Variants in PLCH1 observed in about 807,000 individuals in gnomAD.
PLCH1 encodes 1-phosphatidylinositol 4,5-bisphosphate phosphodiesterase eta-1.
A neutral mutation model predicts 126.7 loss-of-function variants in PLCH1; 60 were observed. The ratio of observed to expected loss-of-function variants is 0.47; its 90% CI spans 0.38 to 0.59. The LOEUF is 0.59. PLCH1 is among the 20% of genes least tolerant of loss of function. PLCH1 has a pLI of 0.00. For missense variants in PLCH1, 1,723 were observed against 2,040.0 expected, an observed-to-expected ratio of 0.84 and a Z score of 2.99; for synonymous variants, 719 against 734.9, an observed-to-expected ratio of 0.98 and a Z score of 0.35.
At chr3:155,709,702 C>T (rs575454878) in intron 1 of PLCH1, among the ~76,000 whole-genome samples, 1 of 152,258 alleles carries the variant, frequency 6.6e-6, no homozygotes, top group African/African-American at 2.4e-5. Context: ...ACTGCAGCCT[C>T]GACCTCCAGG....
intron 8 of PLCH1, among the ~76,000 whole-genome samples, chr3:155,561,664 G>A (rs1727649945): frequency 1.3e-5 from 2 of 152,146 alleles, no homozygotes; most frequent in South Asian, 2.1e-4. Context: ...TGGGATGGCT[G>A]GGTCAAATGG....
intron 17 of PLCH1, among the ~76,000 whole-genome samples, chr3:155,493,357 T>C (rs1716536618): frequency 6.6e-6 from 1 of 152,182 alleles, no homozygotes; most frequent in African/African-American, 2.4e-5. Flanking sequence ...AAAGAAAGTG[T>C]TGTTTGATCT....
rs200225111 is a variant in PLCH1, at chr3:155,567,236, C to A, written c.865+995G>T. On this transcript the variant is annotated intron_variant, in intron 7 of 22. Transcript: ENST00000460012. ...TACAGGCATGCGCCACCATGCCCAGCTAATTTTTGTATTTTTAGTAGAGAT... is the reference window on the plus strand; with the variant it reads ...TACAGGCATGCGCCACCATGCCCAGATAATTTTTGTATTTTTAGTAGAGAT... Among the ~76,000 whole-genome samples the A allele has an allele frequency of 3.6e-4, 55 of 152,160 alleles. 1 individual carries two copies. The East Asian group carries it at 8.7e-3, about 24-fold the overall frequency.
At chr3:155,510,851 G>A (rs1204252992) in intron 12 of PLCH1, among the ~76,000 whole-genome samples, 3 of 91,194 alleles carry the variant, frequency 3.3e-5, no homozygotes, top group South Asian at 4.4e-4. Flanking sequence ...TGCTCTTCTC[G>A]AGGAGTATCT....
At chr3:155,490,320 G>A (rs578197571) in intron 19 of PLCH1, among the ~76,000 whole-genome samples, 3 of 152,038 alleles carry the variant, frequency 2.0e-5, no homozygotes, top group African/African-American at 7.2e-5. Context: ...CCCTCCAATC[G>A]TATGTAAATA....
intron 2 of PLCH1, among the ~76,000 whole-genome samples, chr3:155,698,851 A>G (rs530196392): frequency 1.3e-5 from 2 of 152,232 alleles, no homozygotes; most frequent in South Asian, 4.1e-4. Flanking sequence ...GGTGGCCATC[A>G]ATGGGAGGTA....
intron 1 of PLCH1, among the ~76,000 whole-genome samples, chr3:155,732,877 C>CAAAAAA (rs71155063): frequency 7.5e-5 from 6 of 80,204 alleles, no homozygotes; most frequent in African/African-American, 1.7e-4. Flanking sequence ...GACTGCATCT[C>CAAAAAA]AAAAAAAAAA....
chr3:155,608,611 T>C lies in PLCH1; in HGVS notation c.80-12233A>G, dbSNP rs372685001. The stretch of plus-strand genomic sequence containing the variant: ...CACTGCCAGCTTTCCCCCACTTCTC[T>C]GGAAACCTGTATGCGCAGTGAGGCA... On this transcript the variant is annotated intron_variant, in intron 2 of 22. Transcript: ENST00000460012. 1.4e-4 allele frequency among the ~76,000 whole-genome samples: 21 copies of C among 152,182 alleles called. No individual in the cohort carries two copies. The East Asian group carries it at 2.1e-3, about 15-fold the overall frequency.
chr3:155,679,560 A>G (rs957584299), intron 2 of PLCH1, among the ~76,000 whole-genome samples: 6 of 152,192 alleles, frequency 3.9e-5, no homozygotes, highest in Admixed American at 1.3e-4. Flanking sequence ...AAAATGTTCT[A>G]TACAACCCTC....
At chr3:155,620,675 C>T (rs1736358081) in intron 2 of PLCH1, among the ~76,000 whole-genome samples, 1 of 152,178 alleles carries the variant, frequency 6.6e-6, no homozygotes, top group Non-Finnish European at 1.5e-5. Flanking sequence ...CCCACCGCAG[C>T]TCAGCAAGGC....
intron 2 of PLCH1, among the ~76,000 whole-genome samples, chr3:155,668,246 C>T (rs1390748364): frequency 6.6e-6 from 1 of 152,102 alleles, no homozygotes; most frequent in Admixed American, 6.5e-5. Flanking sequence ...GCCAAGCCTG[C>T]CAATATTTGC....
At chr3:155,704,399 G>C in intron 1 of PLCH1, 135 bp from the exon 2 acceptor site, 1 of 395,428 alleles carries the variant, frequency 2.5e-6, no homozygotes. Context: ...ACATGGAGCT[G>C]GAATCCCCCA....
intron 1 of PLCH1, among the ~76,000 whole-genome samples, chr3:155,711,986 C>T (rs1464505456): frequency 6.6e-6 from 1 of 152,196 alleles, no homozygotes; most frequent in African/African-American, 2.4e-5. Flanking sequence ...TTTGCCACAC[C>T]TGAAGCTAGA....
intron 1 of PLCH1, among the ~76,000 whole-genome samples, chr3:155,723,953 CAAAAAAAA>C (rs34436223): frequency 2.5e-5 from 2 of 80,082 alleles, no homozygotes; most frequent in South Asian, 8.4e-4. Flanking sequence ...AACTCCATCT[CAAAAAAAA>C]AAAAAAAAAA....
At chr3:155,732,938 G>GA (rs940942978) in intron 1 of PLCH1, among the ~76,000 whole-genome samples, 86 of 146,090 alleles carry the variant, frequency 5.9e-4, no homozygotes, top group African/African-American at 1.9e-3. Flanking sequence ...ATCCTCTGAG[G>GA]AAAAAAAATC....
At chr3:155,549,537 C>T (rs1303439484) in intron 10 of PLCH1, among the ~76,000 whole-genome samples, 2 of 152,274 alleles carry the variant, frequency 1.3e-5, no homozygotes, top group African/African-American at 2.4e-5. Context: ...AAATATCAAA[C>T]ATTTGGCTTA....
intron 2 of PLCH1, among the ~76,000 whole-genome samples, chr3:155,622,073 A>G (rs142433020): frequency 0.021 from 3,129 of 152,332 alleles, 119 homozygotes; most frequent in African/African-American, 0.072. Flanking sequence ...CTCTGCAGAA[A>G]CCCTACAAGA....
intron 2 of PLCH1, among the ~76,000 whole-genome samples, chr3:155,651,038 A>C (rs1362282101): frequency 7.0e-6 from 1 of 142,886 alleles, no homozygotes; most frequent in Non-Finnish European, 1.5e-5. Context: ...ACTCCGTCTC[A>C]AAAAAAAAAA....
intron 2 of PLCH1, among the ~76,000 whole-genome samples, chr3:155,661,216 T>C (rs146386513): frequency 6.6e-6 from 1 of 152,250 alleles, no homozygotes; most frequent in Non-Finnish European, 1.5e-5. Context: ...GCTAAGGCAA[T>C]GAAAGGGTTC....
Sources: gnomAD v4.1 joint callset for allele counts (sites outside exome capture counted in the v4.1 genomes callset) on GRCh38, gnomAD v4.1.1 for gene constraint, MANE v1.5 for transcripts, NCBI Gene and HGNC (gene_info 2026-07-23, HGNC 2026-07-21) for gene names.